Variants in DLG2 observed in about 807,000 individuals in gnomAD.
DLG2 encodes discs large MAGUK scaffold protein 2, also known as disks large homolog 2.
A neutral mutation model predicts 132.5 loss-of-function variants in DLG2; 45 were observed. The observed-to-expected ratio is 0.34, with a 90% CI of 0.27 to 0.44. DLG2 has a LOEUF of 0.44. Ranked by LOEUF, DLG2 falls within the 20% of genes least tolerant of loss-of-function variation. The pLI is 1.00. For synonymous variants in DLG2, 424 were observed against 419.6 expected, an observed-to-expected ratio of 1.01 and a Z score of -0.13; for missense variants, 1,045 against 1,196.9, an observed-to-expected ratio of 0.87 and a Z score of 1.87.
chr11:83,987,146 G>A (rs35704316), intron 11 of DLG2, among the ~76,000 whole-genome samples: 9 of 152,008 alleles, frequency 5.9e-5, no homozygotes, highest in Admixed American at 3.9e-4. Flanking sequence ...CAAGGGACAC[G>A]AAGGACCTCT....
chr11:84,039,302 T>C (rs12795038), intron 11 of DLG2, among the ~76,000 whole-genome samples: 100,457 of 147,924 alleles, frequency 0.68, 35,383 homozygotes, highest in Non-Finnish European at 0.78. Context: ...ATGTGCCATG[T>C]TGGTGCGCTG....
At chr11:83,861,911 A>T (rs1434112580) in intron 16 of DLG2, among the ~76,000 whole-genome samples, 1 of 152,194 alleles carries the variant, frequency 6.6e-6, no homozygotes, top group African/African-American at 2.4e-5. Flanking sequence ...TAAATGCTTG[A>T]GGGGACAGAC....
At chr11:84,345,137 G>T (rs952503155) in intron 7 of DLG2, among the ~76,000 whole-genome samples, 2 of 152,108 alleles carry the variant, frequency 1.3e-5, no homozygotes, top group Non-Finnish European at 2.9e-5. Flanking sequence ...GAAAATAAGA[G>T]AAAAGAAAGA....
intron 7 of DLG2, among the ~76,000 whole-genome samples, chr11:84,424,680 T>C (rs2098960834): frequency 6.6e-6 from 1 of 152,132 alleles, no homozygotes; most frequent in African/African-American, 2.4e-5. Flanking sequence ...ATCAATATAT[T>C]TTAATAGAAG....
intron 8 of DLG2, among the ~76,000 whole-genome samples, chr11:84,204,071 C>T (rs1472838571): frequency 2.0e-5 from 3 of 152,268 alleles, no homozygotes; most frequent in Non-Finnish European, 4.4e-5. Context: ...GATTCTCCTG[C>T]CTCAGCCTCC....
chr11:83,870,141 T>C (rs995932542), intron 16 of DLG2, among the ~76,000 whole-genome samples: 1 of 152,228 alleles, frequency 6.6e-6, no homozygotes, highest in Non-Finnish European at 1.5e-5. Context: ...TTTTAAAAAA[T>C]TTGTATACAT....
intron 3 of DLG2, among the ~76,000 whole-genome samples, chr11:85,348,565 A>G (rs1011818817): frequency 6.6e-6 from 1 of 152,122 alleles, no homozygotes; most frequent in African/African-American, 2.4e-5. Context: ...ATACCAAGGC[A>G]TTTAGCAGCC....
intron 17 of DLG2, among the ~76,000 whole-genome samples, chr11:83,803,685 A>T (rs1442600131): frequency 6.6e-6 from 1 of 152,166 alleles, no homozygotes; most frequent in African/African-American, 2.4e-5. Context: ...TCTGAGTGAG[A>T]TTGTAATGTA....
chr11:83,995,236 A>C (rs1402943746), intron 11 of DLG2, among the ~76,000 whole-genome samples: 3 of 152,156 alleles, frequency 2.0e-5, no homozygotes, highest in Non-Finnish European at 2.9e-5. Flanking sequence ...AATTATAAAT[A>C]AACAGCATAT....
chr11:84,651,743 G>T (rs1436013968), intron 6 of DLG2, among the ~76,000 whole-genome samples: 2 of 152,158 alleles, frequency 1.3e-5, no homozygotes, highest in Non-Finnish European at 2.9e-5. Context: ...TATAATCTAT[G>T]GGAAAATGTA....
In DLG2 at chr11:83,541,777, G is replaced by A. The variant is rs563165386; in HGVS notation, c.2022C>T (p.His674=). 2.9e-5 allele frequency: 46 copies of A among 1,613,236 alleles called. No homozygotes were observed. The highest frequency in any genetic ancestry group is 2.1e-4 in the South Asian group (19 of 91,032). ...ACTCATCATCAGAGGCATTGATAAC[G>A]TGGAGAATATCTCCATATTTAAAAC... ...GLSFKYGDIL[H]VINASDDEWW... Residue 674 remains histidine (H), a synonymous_variant, in exon 20 of 28, where the codon CAC becomes CAT. Transcript: ENST00000376104.
At chr11:83,746,172 T>C (rs1044958919) in intron 18 of DLG2, among the ~76,000 whole-genome samples, 20 of 152,218 alleles carry the variant, frequency 1.3e-4, no homozygotes, top group Non-Finnish European at 2.4e-4. Flanking sequence ...AGTGTGGCGA[T>C]TCCCCAGGGA....
intron 11 of DLG2, among the ~76,000 whole-genome samples, chr11:84,008,102 G>T (rs1045666291): frequency 6.6e-6 from 1 of 151,530 alleles, no homozygotes; most frequent in African/African-American, 2.4e-5. Flanking sequence ...TCATATCATG[G>T]TCACTCACAT....
chr11:85,106,401 AC>A (rs2152299386), intron 6 of DLG2, among the ~76,000 whole-genome samples: 1 of 152,074 alleles, frequency 6.6e-6, no homozygotes, highest in South Asian at 2.1e-4. Context: ...TTTTTCAAGA[AC>A]TGCAAGATTC....
intron 6 of DLG2, among the ~76,000 whole-genome samples, chr11:85,039,979 C>T (rs1415502609): frequency 6.6e-6 from 1 of 151,842 alleles, no homozygotes; most frequent in Non-Finnish European, 1.5e-5. Context: ...GGAGAGAACA[C>T]CATCTGGGGG....
intron 3 of DLG2, among the ~76,000 whole-genome samples, chr11:85,497,732 C>A (rs577365694): frequency 2.0e-5 from 3 of 152,122 alleles, no homozygotes; most frequent in Non-Finnish European, 4.4e-5. Flanking sequence ...GCTGATCTCT[C>A]GGCAGAAACC....
At chr11:85,052,109 G>C (rs2062959984) in intron 6 of DLG2, among the ~76,000 whole-genome samples, 1 of 152,122 alleles carries the variant, frequency 6.6e-6, no homozygotes, top group Non-Finnish European at 1.5e-5. Context: ...TTTGCTCCAA[G>C]AATGAAAATC....
rs201370386 is a variant in DLG2, at chr11:84,821,645, C to A, written c.358-286914G>T. The stretch of plus-strand genomic sequence containing the variant: ...TACAATGTAAAAAAAAAAAAAACAA[C>A]AACAACAAAAAAAACAAAAAAACAA... On this transcript the variant is annotated intron_variant, in intron 6 of 27. Coordinates refer to ENST00000376104, the MANE Select transcript of DLG2 (RefSeq NM_001142699.3). Among the ~76,000 whole-genome samples, 985 of 103,224 alleles carry A rather than the reference C, an allele frequency of 9.5e-3. 7 individuals carry two copies. Among genetic ancestry groups the A allele is most frequent in the Middle Eastern group, 0.025 (4 of 162 alleles). 67.7% of individuals were successfully genotyped at this position (103,224 alleles called of 152,430 possible). A position where few individuals can be genotyped will look rare whatever the true frequency, so the allele number is the denominator to read the frequency against.
Position 84,871,519 on chromosome 11 carries a change from C to T in DLG2, c.357+240142G>A, listed in dbSNP as rs2085456189. Among the ~76,000 whole-genome samples the T allele has an allele frequency of 3.3e-5, 5 of 152,156 alleles. No homozygotes were observed. In the South Asian group the frequency reaches 1.0e-3, roughly 32 times the overall value. On this transcript the variant is annotated intron_variant, in intron 6 of 27. Coordinates refer to ENST00000376104, the MANE Select transcript of DLG2 (RefSeq NM_001142699.3). ...AAAGCTATAGTGAAGCTTGAGGAAA[C>T]CATAAGATTGTTGCTAAATAACCAA...
Sources: allele counts gnomAD v4.1 joint callset (sites outside exome capture counted in the v4.1 genomes callset), GRCh38; gene constraint gnomAD v4.1.1; transcripts MANE v1.5; gene names NCBI Gene and HGNC (gene_info 2026-07-23, HGNC 2026-07-21).